NFIB: variants seen among roughly 807,000 people sequenced by gnomAD.
NFIB encodes nuclear factor 1 B-type.
NFIB carries 11 observed loss-of-function variants against 61.5 expected under a neutral mutation model. The observed-to-expected ratio is 0.18, with a 90% CI of 0.11 to 0.30. The LOEUF (loss-of-function observed/expected upper bound fraction) is 0.30, where lower values mean the gene tolerates loss of function less well. NFIB is among the 10% of genes least tolerant of loss of function. The probability of loss-of-function intolerance (pLI) is 1.00; values close to 1 mark genes in which losing one functional copy is unlikely to be tolerated. For missense variants in NFIB, 471 were observed against 608.9 expected (o/e 0.77, Z 2.38); for synonymous variants, 260 against 216.5 (o/e 1.20, Z -1.76).
At chr9:14,181,495 T>C (rs543424561) in intron 2 of NFIB, among the ~76,000 whole-genome samples, 4 of 152,334 alleles carry the variant, frequency 2.6e-5, no homozygotes, top group African/African-American at 9.6e-5. Flanking sequence ...CAGTGACTTA[T>C]AAATTAGGAG....
At chr9:14,335,875 T>C (rs1369228229) in intron 1 of NFIB, among the ~76,000 whole-genome samples, 1 of 152,238 alleles carries the variant, frequency 6.6e-6, no homozygotes, top group Non-Finnish European at 1.5e-5. Context: ...GAGTCAAAAT[T>C]CATTACTTTT....
intron 2 of NFIB, among the ~76,000 whole-genome samples, chr9:14,222,600 C>A (rs114939219): frequency 6.6e-6 from 1 of 151,826 alleles, no homozygotes; most frequent in African/African-American, 2.4e-5. Context: ...CCTAGGAGTT[C>A]GAGACCAGCC....
At chr9:14,235,198 C>A (rs992373073) in intron 2 of NFIB, among the ~76,000 whole-genome samples, 2 of 152,182 alleles carry the variant, frequency 1.3e-5, no homozygotes, top group African/African-American at 4.8e-5. Flanking sequence ...TTCACTCCAT[C>A]TCATTCCTTT....
rs35889620 is a variant in NFIB at position 14,368,154 on chromosome 9, T to TA, written c.108+30369dup. 3.5e-3 allele frequency among the ~76,000 whole-genome samples: 508 copies of TA among 145,582 alleles called. 2 individuals carry two copies. Among genetic ancestry groups the TA allele is most frequent in the African/African-American group, 0.011 (416 of 39,544 alleles). On this transcript the variant is annotated intron_variant, in intron 1 of 8. Coordinates refer to the NFIB transcript ENST00000380934. The stretch of plus-strand genomic sequence containing the variant: ...ACGTGTAAAGTAAGTAAAGTAAGAT[T>TA]AAAAAAAAAAAAAAGAGAGACAGAG...
intron 1 of NFIB, among the ~76,000 whole-genome samples, chr9:14,342,163 G>T (rs952828581): frequency 6.6e-6 from 1 of 152,118 alleles, no homozygotes; most frequent in Admixed American, 6.5e-5. Context: ...TATGGGTAAG[G>T]GTCTCTCTCA....
the NFIB span, among the ~76,000 whole-genome samples, chr9:14,436,408 C>T: frequency 2.0e-5 from 3 of 152,198 alleles, no homozygotes; most frequent in African/African-American, 7.2e-5. Flanking sequence ...AACCCTGACA[C>T]AGAGAAGTGT....
At chr9:14,203,348 G>C (rs2049268629) in intron 2 of NFIB, among the ~76,000 whole-genome samples, 1 of 152,160 alleles carries the variant, frequency 6.6e-6, no homozygotes, top group African/African-American at 2.4e-5. Flanking sequence ...TAGCAATAAA[G>C]TTTATTACAG....
intron 10 of NFIB, among the ~76,000 whole-genome samples, chr9:14,104,975 A>G (rs2036338322): frequency 6.6e-6 from 1 of 152,172 alleles, no homozygotes; most frequent in South Asian, 2.1e-4. Flanking sequence ...GGGAATCTAA[A>G]TACCACTCAC....
intron 1 of NFIB, among the ~76,000 whole-genome samples, chr9:14,393,460 C>T (rs1018306146): frequency 2.0e-5 from 3 of 152,196 alleles, no homozygotes; most frequent in Non-Finnish European, 4.4e-5. Flanking sequence ...ACTGGAAGCA[C>T]AGTCCTATAC....
At chr9:14,119,296 T>C (rs969109916) in intron 8 of NFIB, among the ~76,000 whole-genome samples, 1 of 152,174 alleles carries the variant, frequency 6.6e-6, no homozygotes. Flanking sequence ...TACAACATTT[T>C]AACATTTTCT....
chr9:14,094,256 CT>C (rs1319567867), intron 10 of NFIB: 1 of 152,076 alleles, frequency 6.6e-6, no homozygotes, highest in Non-Finnish European at 1.5e-5. Context: ...ATGCAAGAGA[CT>C]TTGTGAATTG....
chr9:14,441,870 C>A, the NFIB span, among the ~76,000 whole-genome samples: 1 of 152,176 alleles, frequency 6.6e-6, no homozygotes, highest in Non-Finnish European at 1.5e-5. Context: ...TTACGAGAGG[C>A]AACTATGATT....
chr9:14,510,988 C>T, the NFIB span, among the ~76,000 whole-genome samples: 384 of 152,224 alleles, frequency 2.5e-3, 2 homozygotes, highest in African/African-American at 8.7e-3. Context: ...TTCCTTGTAA[C>T]CAAATTTGTG....
intron 1 of NFIB, among the ~76,000 whole-genome samples, chr9:14,346,364 C>G (rs2061022924): frequency 6.7e-6 from 1 of 148,554 alleles, no homozygotes; most frequent in South Asian, 2.2e-4. Flanking sequence ...TCGCTCCGGA[C>G]GGGCGTCATC....
chr9:14,083,932 A>C lies in NFIB; in HGVS notation c.*4377T>G, dbSNP rs1362376855. ...AAATACCATCACGTAACAATCACAA[A>C]AACTTTTGCTAAAGGCCGTATATAC... On this transcript the variant is annotated 3_prime_UTR_variant, in exon 11 of 11. Coordinates refer to ENST00000380953, the MANE Select transcript of NFIB (RefSeq NM_001190737.2). 1 of 222,800 alleles carries C rather than the reference A, an allele frequency of 4.5e-6. No homozygotes were observed. The highest frequency in any genetic ancestry group is 9.0e-6 in the Non-Finnish European group (1 of 111,302). 13.8% of individuals were successfully genotyped at this position (222,800 alleles called of 1,614,324 possible). A position where few individuals can be genotyped will look rare whatever the true frequency, so the allele number is the denominator to read the frequency against.
chr9:14,332,218 A>G (rs1371419450), intron 1 of NFIB, among the ~76,000 whole-genome samples: 1 of 151,304 alleles, frequency 6.6e-6, no homozygotes, highest in Admixed American at 6.6e-5. Context: ...CTGTAATCCC[A>G]GCTATTCGGG....
the NFIB span, among the ~76,000 whole-genome samples, chr9:14,463,659 CTTTT>C: frequency 9.1e-5 from 6 of 65,822 alleles, 1 homozygote; most frequent in Non-Finnish European, 1.2e-4. Flanking sequence ...ATTTGATTTT[CTTTT>C]TTTTTTTTTT....
At chr9:14,461,695 G>A in the NFIB span, among the ~76,000 whole-genome samples, 4 of 152,162 alleles carry the variant, frequency 2.6e-5, no homozygotes, top group Non-Finnish European at 5.9e-5. Context: ...AGTGGGCTGG[G>A]TAGTTTAATT....
At position 14,220,842 on chromosome 9, in the gene NFIB, T is replaced by TACACCCACCC. The variant is rs762429739; in HGVS notation, c.563-41063_563-41062insGGGTGGGTGT. ...CTATATCCAGTGAAATCAATCTCCC[T>TACACCCACCC]ACACACACACACACACACACACACA... On this transcript the variant is annotated intron_variant, in intron 2 of 10. Coordinates refer to ENST00000380953, the MANE Select transcript of NFIB (RefSeq NM_001190737.2). 1.6e-4 allele frequency among the ~76,000 whole-genome samples: 20 copies of TACACCCACCC among 123,094 alleles called. 1 individual carries two copies. The South Asian group carries it at 3.7e-3, about 23-fold the overall frequency. 80.8% of individuals were successfully genotyped at this position (123,094 alleles called of 152,430 possible).
Sources: allele counts gnomAD v4.1 joint callset (sites outside exome capture counted in the v4.1 genomes callset), GRCh38; gene constraint gnomAD v4.1.1; transcripts MANE v1.5; gene names NCBI Gene and HGNC (gene_info 2026-07-23, HGNC 2026-07-21).